Variants in GRM8 observed in about 807,000 individuals in gnomAD.
GRM8 encodes glutamate metabotropic receptor 8.
A neutral mutation model predicts 87.2 loss-of-function variants in GRM8; 47 were observed. That is an observed-to-expected ratio of 0.54 (90% CI 0.43 to 0.69). The LOEUF (loss-of-function observed/expected upper bound fraction) is 0.69, where lower values mean the gene tolerates loss of function less well. Among genes scored for constraint, GRM8 ranks in the 30% least tolerant of loss-of-function variants. GRM8 has a pLI of 0.00. For missense variants in GRM8, 1,019 were observed against 1,139.2 expected (o/e 0.89, Z 1.52); for synonymous variants, 396 against 404.5 (o/e 0.98, Z 0.25).
rs887364762 is a variant in GRM8 at position 126,940,073 on chromosome 7, T to C, written c.728-35390A>G. Among the ~76,000 whole-genome samples the C allele has an allele frequency of 2.6e-5, 4 of 152,212 alleles. No individual in the cohort carries two copies. The South Asian group carries it at 8.3e-4, about 32-fold the overall frequency. ...ACCAGGGGCCTTTATCTTTCACCTG[T>C]AACATGAAGATGAATCTGAAACTAA... On this transcript the variant is annotated intron_variant, in intron 3 of 10. Coordinates refer to ENST00000339582, the MANE Select transcript of GRM8 (RefSeq NM_000845.3).
chr7:127,192,896 C>T (rs1002523708), intron 2 of GRM8, among the ~76,000 whole-genome samples: 1 of 152,114 alleles, frequency 6.6e-6, no homozygotes, highest in Non-Finnish European at 1.5e-5. Flanking sequence ...ATCCCCTTCC[C>T]CTAAAGGTAT....
intron 7 of GRM8, among the ~76,000 whole-genome samples, chr7:126,682,750 C>G (rs1032025117): frequency 4.6e-5 from 7 of 152,188 alleles, no homozygotes; most frequent in African/African-American, 1.7e-4. Context: ...TATATGACTC[C>G]TTACAGAAAA....
At chr7:126,647,506 A>G (rs1327775557) in intron 7 of GRM8, among the ~76,000 whole-genome samples, 1 of 152,122 alleles carries the variant, frequency 6.6e-6, no homozygotes, top group Non-Finnish European at 1.5e-5. Context: ...TCAGATTCAT[A>G]TATTCAACTA....
At chr7:126,777,685 C>T (rs764192578) in intron 6 of GRM8, among the ~76,000 whole-genome samples, 1 of 152,010 alleles carries the variant, frequency 6.6e-6, no homozygotes, top group Non-Finnish European at 1.5e-5. Flanking sequence ...GAAATACTGA[C>T]AATAAGTATT....
At chr7:126,831,856 G>T (rs1795411711) in intron 6 of GRM8, among the ~76,000 whole-genome samples, 1 of 152,090 alleles carries the variant, frequency 6.6e-6, no homozygotes, top group African/African-American at 2.4e-5. Flanking sequence ...ACTCTTATAG[G>T]CAAATAACAT....
intron 1 of GRM8, among the ~76,000 whole-genome samples, chr7:127,248,769 A>T (rs1341973575): frequency 6.6e-6 from 1 of 152,192 alleles, no homozygotes; most frequent in Non-Finnish European, 1.5e-5. Flanking sequence ...ATCTAAGAAA[A>T]CCACTTTCTC....
chr7:126,946,157 A>G (rs958561241), intron 3 of GRM8, among the ~76,000 whole-genome samples: 19 of 152,218 alleles, frequency 1.2e-4, no homozygotes, highest in South Asian at 4.1e-4. Context: ...AGAGACTGTC[A>G]TGGTTTTCCT....
intron 3 of GRM8, among the ~76,000 whole-genome samples, chr7:127,006,232 C>T (rs764192100): frequency 2.0e-5 from 3 of 151,958 alleles, no homozygotes; most frequent in Non-Finnish European, 4.4e-5. Context: ...CTCTTCACAG[C>T]GCACTGAATT....
intron 3 of GRM8, among the ~76,000 whole-genome samples, chr7:127,093,515 G>C (rs1015064771): frequency 6.6e-6 from 1 of 152,128 alleles, no homozygotes; most frequent in Admixed American, 6.5e-5. Flanking sequence ...TTAATAGCCC[G>C]TTATGCACAT....
chr7:127,118,628 G>A (rs1826844259), intron 2 of GRM8, among the ~76,000 whole-genome samples: 1 of 152,200 alleles, frequency 6.6e-6, no homozygotes, highest in Non-Finnish European at 1.5e-5. Flanking sequence ...TTTCATGAAT[G>A]ACTAAACCAT....
At chr7:126,730,871 TAA>T (rs1239500750) in intron 7 of GRM8, among the ~76,000 whole-genome samples, 1 of 152,148 alleles carries the variant, frequency 6.6e-6, no homozygotes, top group Admixed American at 6.6e-5. Flanking sequence ...CATTTAGGGA[TAA>T]TAGTTGGCAT....
intron 3 of GRM8, among the ~76,000 whole-genome samples, chr7:127,008,902 T>C (rs1054797633): frequency 2.6e-5 from 4 of 152,174 alleles, no homozygotes; most frequent in Admixed American, 2.0e-4. Flanking sequence ...TACATCAGTG[T>C]AATAAATCAT....
At chr7:126,834,365 G>A (rs1479806695) in intron 6 of GRM8, among the ~76,000 whole-genome samples, 1 of 152,224 alleles carries the variant, frequency 6.6e-6, no homozygotes, top group Non-Finnish European at 1.5e-5. Context: ...AGCTCACCCT[G>A]AGAAAGAGGG....
chr7:126,712,543 C>T (rs111426913), intron 7 of GRM8, among the ~76,000 whole-genome samples: 1,552 of 152,100 alleles, frequency 0.01, 30 homozygotes, highest in African/African-American at 0.035. Flanking sequence ...ACCTGTGAGG[C>T]GCAATAAAAC....
intron 7 of GRM8, among the ~76,000 whole-genome samples, chr7:126,645,562 G>A (rs1271259595): frequency 1.3e-5 from 2 of 152,138 alleles, no homozygotes; most frequent in East Asian, 1.9e-4. Flanking sequence ...CTCCCACATG[G>A]GCTGAACTCA....
intron 2 of GRM8, among the ~76,000 whole-genome samples, chr7:127,171,483 T>C (rs1793799056): frequency 6.6e-6 from 1 of 152,218 alleles, no homozygotes. Context: ...GCAAACGTCA[T>C]TGTTGCCTTA....
chr7:126,855,714 G>C (rs1036810344), intron 6 of GRM8, among the ~76,000 whole-genome samples: 4 of 152,016 alleles, frequency 2.6e-5, no homozygotes, highest in Non-Finnish European at 5.9e-5. Context: ...GACCTGAAGT[G>C]ATAAACCGCC....
At chr7:126,842,061 GT>G (rs3216292) in intron 6 of GRM8, among the ~76,000 whole-genome samples, 5,881 of 152,256 alleles carry the variant, frequency 0.039, 345 homozygotes, top group African/African-American at 0.12. Context: ...ACCATTTAAC[GT>G]TTTTGCCAGA....
At chr7:126,586,148 A>T (rs1293651682) in intron 8 of GRM8, among the ~76,000 whole-genome samples, 2 of 152,192 alleles carry the variant, frequency 1.3e-5, no homozygotes, top group East Asian at 3.9e-4. Context: ...CTCTTCAAGG[A>T]GAACTACAAA....
Sources: gnomAD v4.1 joint callset for allele counts (sites outside exome capture counted in the v4.1 genomes callset) on GRCh38, gnomAD v4.1.1 for gene constraint, MANE v1.5 for transcripts, NCBI Gene and HGNC (gene_info 2026-07-23, HGNC 2026-07-21) for gene names.